Variants in PIK3C3 observed in about 807,000 individuals in gnomAD.
PIK3C3 encodes the protein phosphatidylinositol 3-kinase catalytic subunit type 3.
A neutral mutation model predicts 126.1 loss-of-function variants in PIK3C3; 95 were observed. That is an observed-to-expected ratio of 0.75 (90% CI 0.64 to 0.89). The LOEUF (loss-of-function observed/expected upper bound fraction) is 0.89, where lower values mean the gene tolerates loss of function less well. Among genes scored for constraint, PIK3C3 ranks in the 40% least tolerant of loss-of-function variants. The pLI is 0.00. For synonymous variants in PIK3C3, 374 were observed against 360.0 expected, an observed-to-expected ratio of 1.04 and a Z score of -0.44; for missense variants, 829 against 1,063.2, an observed-to-expected ratio of 0.78 and a Z score of 3.06.
chr18:42,055,013 T>C (rs1984998579), intron 21 of PIK3C3, among the ~76,000 whole-genome samples: 1 of 152,124 alleles, frequency 6.6e-6, no homozygotes, highest in Non-Finnish European at 1.5e-5. Flanking sequence ...CAAAAATTTC[T>C]TTTTCCCACT....
In PIK3C3 at chr18:42,033,815, A is replaced by T. The variant is rs1983931255; in HGVS notation, c.1708-11A>T. 1 of 1,581,278 alleles carries T rather than the reference A, an allele frequency of 6.3e-7. No individual in the cohort carries two copies. The highest frequency in any genetic ancestry group is 8.6e-7 in the Non-Finnish European group (1 of 1,161,802). ...ATTTTAACCTCATTAATCCTTTCTG[A>T]TTTGTTCTAGAATGAGAGACTACAG... On this transcript the variant is annotated splice_polypyrimidine_tract_variant and intron_variant, in intron 15 of 24. Coordinates refer to ENST00000262039, the MANE Select transcript of PIK3C3 (RefSeq NM_002647.4).
chr18:42,028,384 C>T (rs1163028658), intron 14 of PIK3C3, among the ~76,000 whole-genome samples: 1 of 152,046 alleles, frequency 6.6e-6, no homozygotes, highest in Non-Finnish European at 1.5e-5. Context: ...ATTTATTTTT[C>T]CTGTGTTCGA....
At chr18:41,990,846 G>A (rs1435412260) in intron 6 of PIK3C3, among the ~76,000 whole-genome samples, 2 of 152,068 alleles carry the variant, frequency 1.3e-5, no homozygotes, top group East Asian at 1.9e-4. Context: ...CTAAGTAATG[G>A]CTTCATTTAC....
At position 42,043,050 on chromosome 18, in the gene PIK3C3, C is replaced by T. The variant is rs564116504; in HGVS notation, c.2104-683C>T. ...TTAAATATATATTCCAGATGCAAAT[C>T]CTTTGTCAGAAATACAGGGTATTCA... On this transcript the variant is annotated intron_variant, in intron 19 of 24. Coordinates refer to ENST00000262039, the MANE Select transcript of PIK3C3 (RefSeq NM_002647.4). Among the ~76,000 whole-genome samples, 7 of 151,608 alleles carry T rather than the reference C, an allele frequency of 4.6e-5. No homozygotes were observed. The South Asian group carries it at 1.5e-3, about 32-fold the overall frequency.
In PIK3C3 at chr18:42,032,743, A is replaced by T. The variant is rs571877784; in HGVS notation, c.1708-1083A>T. 2.6e-3 allele frequency among the ~76,000 whole-genome samples: 399 copies of T among 152,096 alleles called. 1 individual carries two copies. The highest frequency in any genetic ancestry group is 5.1e-3 in the Non-Finnish European group (345 of 68,002). On this transcript the variant is annotated intron_variant, in intron 15 of 24. Coordinates refer to ENST00000262039, the MANE Select transcript of PIK3C3 (RefSeq NM_002647.4). Reference sequence around the variant, plus strand: ...AAATTAGTTGACATTACTTCACATTAGTAGATCTGACCATCCATTTAGTTA... The same window carrying T: ...AAATTAGTTGACATTACTTCACATTTGTAGATCTGACCATCCATTTAGTTA...
intron 7 of PIK3C3, among the ~76,000 whole-genome samples, chr18:41,993,603 CT>C (rs1013086886): frequency 8.8e-5 from 13 of 147,604 alleles, no homozygotes; most frequent in Admixed American, 1.4e-4. Flanking sequence ...GCAGTATACT[CT>C]TTTTTTTTTT....
intron 4 of PIK3C3, among the ~76,000 whole-genome samples, chr18:41,983,651 A>G (rs1394860418): frequency 6.6e-6 from 1 of 152,108 alleles, no homozygotes; most frequent in Non-Finnish European, 1.5e-5. Context: ...AAGTCTGTCT[A>G]TTTCCAAGGA....
At chr18:41,997,970 A>G (rs1307802332) in intron 9 of PIK3C3, among the ~76,000 whole-genome samples, 1 of 152,166 alleles carries the variant, frequency 6.6e-6, no homozygotes, top group Non-Finnish European at 1.5e-5. Context: ...GGAAGCTGTT[A>G]CATATTTATT....
Position 42,020,717 on chromosome 18 carries a change from T to G in PIK3C3, c.1484+12T>G. The G allele has an allele frequency of 6.8e-7, 1 of 1,472,620 alleles. No homozygotes were observed. The highest frequency in any genetic ancestry group is 2.3e-5 in the East Asian group (1 of 43,786). The allele number at this position is 1,472,620 out of a possible 1,614,324, so 91.2% of individuals were successfully genotyped here. A position where few individuals can be genotyped will look rare whatever the true frequency, so the allele number is the denominator to read the frequency against. The stretch of plus-strand genomic sequence containing the variant: ...AATTATTTATACTGGTATGTAAAAA[T>G]AATTTTCTGTTTATTTTCTTATTAC... On this transcript the variant is annotated intron_variant, in intron 13 of 24. Coordinates refer to ENST00000262039, the MANE Select transcript of PIK3C3 (RefSeq NM_002647.4).
intron 13 of PIK3C3, among the ~76,000 whole-genome samples, chr18:42,024,590 C>CA (rs1983471060): frequency 6.6e-6 from 1 of 151,274 alleles, no homozygotes; most frequent in African/African-American, 2.4e-5. Flanking sequence ...CATGTGCCAC[C>CA]AAGCCCGGCT....
At chr18:42,052,277 T>C (rs1984840873) in intron 21 of PIK3C3, among the ~76,000 whole-genome samples, 1 of 152,174 alleles carries the variant, frequency 6.6e-6, no homozygotes, top group Non-Finnish European at 1.5e-5. Flanking sequence ...GGAAATTGAA[T>C]TAAATTTCAG....
chr18:42,004,886 A>G (rs1031237961), intron 10 of PIK3C3, among the ~76,000 whole-genome samples: 1 of 152,090 alleles, frequency 6.6e-6, no homozygotes, highest in African/African-American at 2.4e-5. Flanking sequence ...AATAATTCAG[A>G]TCTCCTCTAT....
intron 4 of PIK3C3, among the ~76,000 whole-genome samples, chr18:41,979,054 C>A (rs1981067379): frequency 7.0e-6 from 1 of 142,266 alleles, no homozygotes. Context: ...ACATAAGAGA[C>A]CCCGTCTCTT....
At chr18:42,029,093 A>G (rs982391514) in intron 14 of PIK3C3, among the ~76,000 whole-genome samples, 1 of 152,234 alleles carries the variant, frequency 6.6e-6, no homozygotes, top group African/African-American at 2.4e-5. Flanking sequence ...GGTTGTAGAT[A>G]GACCAGTATT....
intron 2 of PIK3C3, among the ~76,000 whole-genome samples, chr18:41,961,583 A>G (rs1357686880): frequency 6.6e-6 from 1 of 151,806 alleles, no homozygotes; most frequent in African/African-American, 2.4e-5. Context: ...AGATGTATTT[A>G]ACATAGACTA....
At chr18:41,989,118 C>A (rs1187812830) in intron 5 of PIK3C3, among the ~76,000 whole-genome samples, 1 of 151,820 alleles carries the variant, frequency 6.6e-6, no homozygotes, top group Non-Finnish European at 1.5e-5. Flanking sequence ...GGGACAAGGT[C>A]TTGCTGTGTC....
intron 18 of PIK3C3, among the ~76,000 whole-genome samples, chr18:42,039,761 T>A (rs1306091901): frequency 6.6e-6 from 1 of 152,220 alleles, no homozygotes; most frequent in Non-Finnish European, 1.5e-5. Context: ...TAGTACCCTT[T>A]ATTCATAGTA....
At chr18:42,077,535 T>C (rs974106792) in intron 24 of PIK3C3, among the ~76,000 whole-genome samples, 2 of 152,346 alleles carry the variant, frequency 1.3e-5, no homozygotes, top group Non-Finnish European at 2.9e-5. Flanking sequence ...ACCACTTTGC[T>C]TATCCAGAAG....
intron 2 of PIK3C3, among the ~76,000 whole-genome samples, 162 bp downstream of exon 2, chr18:41,957,920 T>C (rs1979874139): frequency 6.6e-6 from 1 of 152,258 alleles, no homozygotes; most frequent in African/African-American, 2.4e-5. Context: ...GTATTATGCA[T>C]GTCAGTATTA....
Sources: allele counts gnomAD v4.1 joint callset (sites outside exome capture counted in the v4.1 genomes callset), GRCh38; gene constraint gnomAD v4.1.1; transcripts MANE v1.5; gene names NCBI Gene and HGNC (gene_info 2026-07-23, HGNC 2026-07-21).